Variants in DCC observed in about 807,000 individuals in gnomAD.
The protein encoded by DCC is DCC netrin 1 receptor.
In DCC, 58 loss-of-function variants were observed where a neutral mutation model predicts 172.5. The ratio of observed to expected loss-of-function variants is 0.34; its 90% CI spans 0.27 to 0.42. The LOEUF (loss-of-function observed/expected upper bound fraction) is 0.42. DCC is among the 10% of genes least tolerant of loss of function. The pLI is 1.00. For synonymous variants in DCC, 709 were observed against 644.5 expected (o/e 1.10, Z -1.52); for missense variants, 1,740 against 1,791.0 (o/e 0.97, Z 0.51).
At chr18:52,669,257 C>A (rs1484378196) in intron 1 of DCC, among the ~76,000 whole-genome samples, 2 of 152,146 alleles carry the variant, frequency 1.3e-5, no homozygotes, top group African/African-American at 4.8e-5. Context: ...GCAGAGTCTG[C>A]AAAATATCTC....
At chr18:52,888,503 C>G (rs564300424) in intron 2 of DCC, among the ~76,000 whole-genome samples, 52 of 152,142 alleles carry the variant, frequency 3.4e-4, no homozygotes, top group Non-Finnish European at 6.8e-4. Context: ...ATTACCATTT[C>G]TCTAAATGAA....
At position 52,549,446 on chromosome 18, in the gene DCC, C is replaced by G. The variant is rs543754364; in HGVS notation, c.92-202608C>G. ...GCACAGTCCACTTTTTGCTCATAAG[C>G]AACTTTCCCCCTCCGACTAATTTGT... On this transcript the variant is annotated intron_variant, in intron 1 of 28. Coordinates refer to ENST00000442544, the MANE Select transcript of DCC (RefSeq NM_005215.4). Among the ~76,000 whole-genome samples, 66 of 152,118 alleles carry G rather than the reference C, an allele frequency of 4.3e-4. No homozygotes were observed. The South Asian group carries it at 7.9e-3, about 18-fold the overall frequency.
At chr18:53,482,567 G>A (rs549929576) in intron 25 of DCC, among the ~76,000 whole-genome samples, 5 of 152,044 alleles carry the variant, frequency 3.3e-5, no homozygotes, top group African/African-American at 4.8e-5. Flanking sequence ...CAGAAGATAC[G>A]TATGAAACTC....
At chr18:52,750,177 C>T (rs1242075897) in intron 1 of DCC, among the ~76,000 whole-genome samples, 1 of 152,196 alleles carries the variant, frequency 6.6e-6, no homozygotes, top group Admixed American at 6.5e-5. Flanking sequence ...AGATGTTGAA[C>T]TTAGAGATCA....
intron 15 of DCC, among the ~76,000 whole-genome samples, chr18:53,344,447 T>TC (rs2057699018): frequency 1.4e-5 from 2 of 139,762 alleles, no homozygotes; most frequent in Non-Finnish European, 1.6e-5. Flanking sequence ...TTTCTTTTTT[T>TC]TTTTTTTTTT....
At chr18:52,729,750 T>C (rs1248957987) in intron 1 of DCC, among the ~76,000 whole-genome samples, 1 of 152,314 alleles carries the variant, frequency 6.6e-6, no homozygotes, top group East Asian at 1.9e-4. Context: ...CACAGTAGAA[T>C]GGATATTTAA....
intron 7 of DCC, among the ~76,000 whole-genome samples, chr18:53,150,447 A>G (rs1251686850): frequency 6.6e-6 from 1 of 152,220 alleles, no homozygotes; most frequent in East Asian, 1.9e-4. Flanking sequence ...ACACTGTGAT[A>G]ATGATGGAGG....
intron 1 of DCC, among the ~76,000 whole-genome samples, chr18:52,605,197 G>A (rs895317008): frequency 1.2e-4 from 18 of 152,226 alleles, no homozygotes; most frequent in Middle Eastern, 3.4e-3. Context: ...GCGGGTGGAA[G>A]CCTATTATAA....
chr18:52,829,519 T>C (rs1211807854), intron 2 of DCC, among the ~76,000 whole-genome samples: 2 of 152,172 alleles, frequency 1.3e-5, no homozygotes, highest in Non-Finnish European at 2.9e-5. Flanking sequence ...ATTCATACTA[T>C]TGATTCACTT....
chr18:52,637,786 C>G (rs941002831), intron 1 of DCC, among the ~76,000 whole-genome samples: 6 of 152,070 alleles, frequency 3.9e-5, no homozygotes, highest in Non-Finnish European at 8.8e-5. Flanking sequence ...TGCTAGAAAC[C>G]TAGACATTTA....
chr18:52,595,147 C>T (rs1282974104), intron 1 of DCC, among the ~76,000 whole-genome samples: 1 of 152,178 alleles, frequency 6.6e-6, no homozygotes, highest in Non-Finnish European at 1.5e-5. Flanking sequence ...GGTCCTTCTC[C>T]TGGAAGGATG....
intron 1 of DCC, among the ~76,000 whole-genome samples, chr18:52,369,200 C>T (rs566013245): frequency 2.6e-5 from 4 of 152,120 alleles, no homozygotes; most frequent in Admixed American, 2.6e-4. Flanking sequence ...CTAGGTGCTT[C>T]TAGATTCTGT....
chr18:52,832,157 TC>T (rs1376917881), intron 2 of DCC, among the ~76,000 whole-genome samples: 1 of 152,148 alleles, frequency 6.6e-6, no homozygotes, highest in Non-Finnish European at 1.5e-5. Flanking sequence ...GAATAGGTTT[TC>T]CTTTACATGA....
At chr18:53,380,124 A>C (rs1907600534) in intron 15 of DCC, among the ~76,000 whole-genome samples, 1 of 152,180 alleles carries the variant, frequency 6.6e-6, no homozygotes, top group Non-Finnish European at 1.5e-5. Flanking sequence ...TTCATTTGGA[A>C]TCATCATGAT....
At position 52,576,087 on chromosome 18, in the gene DCC, G is replaced by A. The variant is rs575128937; in HGVS notation, c.92-175967G>A. On this transcript the variant is annotated intron_variant, in intron 1 of 28. Coordinates refer to ENST00000442544, the MANE Select transcript of DCC (RefSeq NM_005215.4). ...TTTTGTGGTTCTTTAAGATTTTTGC[G>A]GCATGAGGTTTAAAAAGATCAGTTA... Among the ~76,000 whole-genome samples the A allele has an allele frequency of 5.9e-4, 90 of 152,132 alleles. 1 individual carries two copies. The South Asian group carries it at 0.019, about 31-fold the overall frequency.
intron 12 of DCC, among the ~76,000 whole-genome samples, chr18:53,295,496 CAGTT>C (rs2057055924): frequency 6.6e-6 from 1 of 152,040 alleles, no homozygotes; most frequent in Non-Finnish European, 1.5e-5. Context: ...GCTTGAAATT[CAGTT>C]AGATGTTTTC....
At chr18:52,889,120 G>A (rs114419076) in intron 2 of DCC, among the ~76,000 whole-genome samples, 2,622 of 152,110 alleles carry the variant, frequency 0.017, 56 homozygotes, top group African/African-American at 0.046. Flanking sequence ...GATTAGATGT[G>A]GAGAACCTCT....
chr18:53,113,014 CAAT>C (rs776075947), intron 7 of DCC, among the ~76,000 whole-genome samples: 11 of 151,504 alleles, frequency 7.3e-5, no homozygotes, highest in South Asian at 4.1e-4. Context: ...TTCATAGAAT[CAAT>C]AATATGCAGG....
chr18:52,924,675 TAATC>T (rs2040174815), intron 4 of DCC, among the ~76,000 whole-genome samples: 3 of 152,084 alleles, frequency 2.0e-5, no homozygotes, highest in African/African-American at 7.2e-5. Context: ...AATCATAAAT[TAATC>T]TTTAAATTTC....
Sources: gnomAD v4.1 joint callset for allele counts (sites outside exome capture counted in the v4.1 genomes callset) on GRCh38, gnomAD v4.1.1 for gene constraint, MANE v1.5 for transcripts, NCBI Gene and HGNC (gene_info 2026-07-23, HGNC 2026-07-21) for gene names.